The following LYPLAL1 variants were observed in gnomAD, a reference collection of about 807,000 sequenced individuals.
LYPLAL1 encodes the protein lysophospholipase-like protein 1.
LYPLAL1 carries 23 observed loss-of-function variants against 19.7 expected under a neutral mutation model. The ratio of observed to expected loss-of-function variants is 1.17; its 90% CI spans 0.84 to 1.65. LYPLAL1 has a LOEUF of 1.65. Ranked by LOEUF, LYPLAL1 falls within the 40% of genes most tolerant of loss-of-function variation. The pLI, the probability that LYPLAL1 is intolerant of heterozygous loss-of-function variation, is 0.00. For synonymous variants in LYPLAL1, 119 were observed against 96.3 expected (o/e 1.24, Z -1.38); for missense variants, 355 against 279.4 (o/e 1.27, Z -1.93).
At chr1:219,409,607 C>A in the LYPLAL1 span, 1 of 152,180 alleles carries the variant, frequency 6.6e-6, no homozygotes, top group African/African-American at 2.4e-5. Context: ...TACATAGATA[C>A]AATGAAGTTT....
the LYPLAL1 span, among the ~76,000 whole-genome samples, chr1:219,328,328 C>G: frequency 4.9e-4 from 75 of 152,266 alleles, no homozygotes; most frequent in African/African-American, 1.6e-3. Flanking sequence ...TTGCAGTTAC[C>G]ATGCCTTCCT....
chr1:219,282,000 T>G, the LYPLAL1 span, among the ~76,000 whole-genome samples: 1 of 151,980 alleles, frequency 6.6e-6, no homozygotes, highest in Non-Finnish European at 1.5e-5. Context: ...GACCAGACAT[T>G]AGAGGAAAAT....
chr1:219,174,611 C>G (rs937940524), intron 1 of LYPLAL1, among the ~76,000 whole-genome samples: 1 of 152,198 alleles, frequency 6.6e-6, no homozygotes, highest in African/African-American at 2.4e-5. Context: ...GCATCTTCCA[C>G]TACCTGCCCT....
chr1:219,353,296 C>G, the LYPLAL1 span, among the ~76,000 whole-genome samples: 2 of 152,190 alleles, frequency 1.3e-5, no homozygotes, highest in Non-Finnish European at 2.9e-5. Flanking sequence ...GGTAACTATG[C>G]AAAGACAGAG....
chr1:219,204,289 G>C (rs1002047156), intron 3 of LYPLAL1, among the ~76,000 whole-genome samples: 1 of 152,142 alleles, frequency 6.6e-6, no homozygotes, highest in African/African-American at 2.4e-5. Context: ...ACAGAACCAG[G>C]ATTCAAATTC....
chr1:219,408,458 T>C, the LYPLAL1 span, among the ~76,000 whole-genome samples: 1 of 152,140 alleles, frequency 6.6e-6, no homozygotes, highest in Middle Eastern at 3.4e-3. Context: ...TGTGCTGAAG[T>C]GTATGAGACA....
chr1:219,209,646 A>G (rs1321283064), intron 3 of LYPLAL1, among the ~76,000 whole-genome samples: 3 of 152,120 alleles, frequency 2.0e-5, no homozygotes, highest in African/African-American at 7.2e-5. Context: ...TACATGATTT[A>G]CATTCTGTAT....
intron 3 of LYPLAL1, 178 bp from the exon 4 acceptor site, chr1:219,210,354 A>G: frequency 2.4e-6 from 1 of 424,710 alleles, no homozygotes; most frequent in Non-Finnish European, 4.1e-6. Context: ...ACATAGAGGG[A>G]ACAGGGTTAT....
At chr1:219,353,178 A>T in the LYPLAL1 span, among the ~76,000 whole-genome samples, 1 of 152,226 alleles carries the variant, frequency 6.6e-6, no homozygotes, top group Non-Finnish European at 1.5e-5. Context: ...CTGGCACAGG[A>T]AGGAGCAATC....
chr1:219,269,652 C>A, the LYPLAL1 span, among the ~76,000 whole-genome samples: 1 of 152,046 alleles, frequency 6.6e-6, no homozygotes. Flanking sequence ...ATAAATACAT[C>A]AGTCTAATGG....
the LYPLAL1 span, among the ~76,000 whole-genome samples, chr1:219,400,131 G>A: frequency 6.6e-6 from 1 of 152,066 alleles, no homozygotes; most frequent in South Asian, 2.1e-4. Flanking sequence ...GTATCGTCGT[G>A]CGGGGTTCCC....
the LYPLAL1 span, among the ~76,000 whole-genome samples, chr1:219,441,284 G>A: frequency 1.3e-4 from 20 of 152,104 alleles, no homozygotes; most frequent in African/African-American, 4.8e-4. Flanking sequence ...TAATATTAAG[G>A]AACTATCATT....
the LYPLAL1 span, among the ~76,000 whole-genome samples, chr1:219,427,411 A>G: frequency 6.6e-6 from 1 of 152,228 alleles, no homozygotes; most frequent in African/African-American, 2.4e-5. Flanking sequence ...TTATATGCAC[A>G]CACTTTATAG....
the LYPLAL1 span, among the ~76,000 whole-genome samples, chr1:219,264,763 C>T: frequency 1.3e-5 from 2 of 152,126 alleles, no homozygotes; most frequent in Non-Finnish European, 2.9e-5. Flanking sequence ...GTGTGAGCTC[C>T]AGGAGGGAGC....
At chr1:219,412,924 CT>C in the LYPLAL1 span, among the ~76,000 whole-genome samples, 1 of 152,120 alleles carries the variant, frequency 6.6e-6, no homozygotes, top group Non-Finnish European at 1.5e-5. Flanking sequence ...ATTACATTTG[CT>C]TTTTTTAAAA....
At chr1:219,440,933 A>C in the LYPLAL1 span, among the ~76,000 whole-genome samples, 6,653 of 152,306 alleles carry the variant, frequency 0.044, 231 homozygotes, top group African/African-American at 0.098. Context: ...ATAGAGGCTC[A>C]CAGCACCATT....
the LYPLAL1 span, among the ~76,000 whole-genome samples, chr1:219,347,784 T>C: frequency 1.3e-5 from 2 of 151,986 alleles, no homozygotes; most frequent in African/African-American, 2.4e-5. Context: ...TTTCACTGGA[T>C]GAGACAGGTC....
At chr1:219,436,444 A>T in the LYPLAL1 span, among the ~76,000 whole-genome samples, 2 of 152,164 alleles carry the variant, frequency 1.3e-5, no homozygotes. Flanking sequence ...AAGAAATTTG[A>T]ACATTTTTGT....
chr1:219,350,088 T>A, the LYPLAL1 span, among the ~76,000 whole-genome samples: 1 of 152,192 alleles, frequency 6.6e-6, no homozygotes. Context: ...ACCTGTAAAC[T>A]CTAATGTACC....
Sources: allele counts gnomAD v4.1 joint callset (sites outside exome capture counted in the v4.1 genomes callset), GRCh38; gene constraint gnomAD v4.1.1; transcripts MANE v1.5; gene names NCBI Gene and HGNC (gene_info 2026-07-23, HGNC 2026-07-21).